Variants in TAFA1 observed in about 807,000 individuals in gnomAD.
TAFA1 encodes chemokine-like protein TAFA-1.
TAFA1 carries 4 observed loss-of-function variants against 18.5 expected under a neutral mutation model. The observed-to-expected ratio is 0.22, with a 90% CI of 0.11 to 0.49. The LOEUF is 0.49. Among genes scored for constraint, TAFA1 ranks in the 20% least tolerant of loss-of-function variants. The pLI is 0.98. For missense variants in TAFA1, 147 were observed against 169.0 expected (o/e 0.87, Z 0.72); for synonymous variants, 56 against 55.2 (o/e 1.01, Z -0.06).
intron 3 of TAFA1, among the ~76,000 whole-genome samples, chr3:68,467,044 A>T (rs1358597619): frequency 1.3e-5 from 2 of 152,100 alleles, no homozygotes; most frequent in Non-Finnish European, 2.9e-5. Context: ...GAATTCAGCG[A>T]TATTTCTCTT....
intron 2 of TAFA1, among the ~76,000 whole-genome samples, chr3:68,016,434 G>A (rs1324429307): frequency 6.6e-6 from 1 of 152,108 alleles, no homozygotes. Context: ...TGTCATGGGG[G>A]TTTGTTGTAT....
chr3:68,115,353 A>G (rs1344659675), intron 2 of TAFA1, among the ~76,000 whole-genome samples: 1 of 152,152 alleles, frequency 6.6e-6, no homozygotes, highest in Non-Finnish European at 1.5e-5. Context: ...TCAGCCCATT[A>G]TTGCTTCCCA....
At chr3:68,493,278 A>G (rs1203052834) in intron 3 of TAFA1, among the ~76,000 whole-genome samples, 1 of 152,208 alleles carries the variant, frequency 6.6e-6, no homozygotes, top group Non-Finnish European at 1.5e-5. Context: ...TTCACTTAGC[A>G]TAAAGTCCTC....
At chr3:68,050,966 A>G (rs1460262684) in intron 2 of TAFA1, among the ~76,000 whole-genome samples, 1 of 152,216 alleles carries the variant, frequency 6.6e-6, no homozygotes. Flanking sequence ...GCATAATGTG[A>G]GAACAAACAG....
chr3:68,084,474 C>A (rs554496266), intron 2 of TAFA1, among the ~76,000 whole-genome samples: 3 of 152,200 alleles, frequency 2.0e-5, no homozygotes, highest in African/African-American at 7.2e-5. Context: ...TCGGGTTTCA[C>A]CTCTAACTCT....
intron 2 of TAFA1, among the ~76,000 whole-genome samples, chr3:68,316,350 T>C (rs781336658): frequency 6.6e-5 from 10 of 152,150 alleles, no homozygotes; most frequent in Admixed American, 4.6e-4. Context: ...TTACCTGTCC[T>C]AAAATATCTG....
chr3:68,112,831 T>C (rs569638102), intron 2 of TAFA1, among the ~76,000 whole-genome samples: 2 of 152,120 alleles, frequency 1.3e-5, no homozygotes, highest in African/African-American at 4.8e-5. Context: ...ATCAAAATAA[T>C]CAAATACTAA....
intron 2 of TAFA1, among the ~76,000 whole-genome samples, chr3:68,045,977 G>C (rs763956938): frequency 5.3e-5 from 8 of 152,128 alleles, no homozygotes; most frequent in Non-Finnish European, 5.9e-5. Context: ...TTGGGAATTA[G>C]CTTAGTGACA....
intron 3 of TAFA1, among the ~76,000 whole-genome samples, chr3:68,467,676 A>G (rs1030435740): frequency 2.0e-5 from 3 of 152,190 alleles, no homozygotes; most frequent in Non-Finnish European, 4.4e-5. Flanking sequence ...AACTGGTTTA[A>G]CAGGATTTTT....
At chr3:68,262,311 A>G (rs1311929821) in intron 2 of TAFA1, among the ~76,000 whole-genome samples, 14 of 6,166 alleles carry the variant, frequency 2.3e-3, no homozygotes, top group African/African-American at 0.013. Flanking sequence ...TGGAGGGTAT[A>G]TATATATATA....
At chr3:68,094,688 T>G (rs2106804000) in intron 2 of TAFA1, among the ~76,000 whole-genome samples, 1 of 152,254 alleles carries the variant, frequency 6.6e-6, no homozygotes, top group East Asian at 1.9e-4. Flanking sequence ...TCTGGCAAGT[T>G]ATTTAACCCC....
intron 2 of TAFA1, among the ~76,000 whole-genome samples, chr3:68,095,849 T>G (rs373203255): frequency 1.0e-3 from 158 of 152,292 alleles, no homozygotes; most frequent in African/African-American, 3.4e-3. Context: ...TTGTGTATAT[T>G]TATTGGGTAC....
In TAFA1 at chr3:68,004,348, T is replaced by C. The variant is rs1447581872; in HGVS notation, c.-358T>C. On this transcript the variant is annotated 5_prime_UTR_variant, in exon 1 of 5. Coordinates refer to ENST00000478136, the MANE Select transcript of TAFA1 (RefSeq NM_213609.4). ...GGAGTGGGGATGGTCCATCGGCAAC[T>C]ATAAACTGATTCTCATCAGGAAACT... The C allele has an allele frequency of 1.3e-5, 2 of 152,188 alleles. No individual in the cohort carries two copies. The highest frequency in any genetic ancestry group is 4.8e-5 in the African/African-American group (2 of 41,446). The allele number at this position is 152,188 out of a possible 1,614,324, so 9.4% of individuals were successfully genotyped here.
At chr3:68,018,160 T>G (rs898509994) in intron 2 of TAFA1, among the ~76,000 whole-genome samples, 2 of 152,200 alleles carry the variant, frequency 1.3e-5, no homozygotes, top group African/African-American at 4.8e-5. Context: ...AGTTTTACAA[T>G]CTCAAGGCTG....
At chr3:68,341,365 C>T (rs1019195120) in intron 2 of TAFA1, among the ~76,000 whole-genome samples, 1 of 152,146 alleles carries the variant, frequency 6.6e-6, no homozygotes, top group Non-Finnish European at 1.5e-5. Flanking sequence ...GACAGCCTGT[C>T]TGGGTGGTGT....
At chr3:68,429,495 G>A (rs17047708) in intron 3 of TAFA1, among the ~76,000 whole-genome samples, 9,871 of 151,832 alleles carry the variant, frequency 0.065, 855 homozygotes, top group East Asian at 0.19. Flanking sequence ...CAGAAGACAG[G>A]ATCAGAAGCA....
chr3:68,027,623 C>T lies in TAFA1; in HGVS notation c.118+20879C>T, dbSNP rs746678759. Among the ~76,000 whole-genome samples, 30 of 152,166 alleles carry T rather than the reference C, an allele frequency of 2.0e-4. 1 individual carries two copies. The highest frequency in any genetic ancestry group is 5.2e-4 in the Admixed American group (8 of 15,262). ...CCCAGGTCTATTTCACACATGCCAC[C>T]GTGAAGTCACATCTCCTTGTCTCTG... On this transcript the variant is annotated intron_variant, in intron 2 of 4. Coordinates refer to ENST00000478136, the MANE Select transcript of TAFA1 (RefSeq NM_213609.4).
At chr3:68,085,847 C>G (rs754109460) in intron 2 of TAFA1, among the ~76,000 whole-genome samples, 1 of 152,186 alleles carries the variant, frequency 6.6e-6, no homozygotes, top group African/African-American at 2.4e-5. Context: ...TTCCCCAAAT[C>G]TCTTTCCACA....
intron 3 of TAFA1, among the ~76,000 whole-genome samples, chr3:68,503,877 TTAAG>T (rs1218591103): frequency 6.6e-6 from 1 of 152,096 alleles, no homozygotes; most frequent in Non-Finnish European, 1.5e-5. Context: ...AAGAGAATGA[TTAAG>T]TAAAAAGATG....
Sources: allele counts gnomAD v4.1 joint callset (sites outside exome capture counted in the v4.1 genomes callset), GRCh38; gene constraint gnomAD v4.1.1; transcripts MANE v1.5; gene names NCBI Gene and HGNC (gene_info 2026-07-23, HGNC 2026-07-21).